Variants in MYH11 observed in about 807,000 individuals in gnomAD.
MYH11 encodes myosin heavy chain 11.
MYH11 carries 80 observed loss-of-function variants against 246.6 expected under a neutral mutation model. The ratio of observed to expected loss-of-function variants is 0.32; its 90% CI spans 0.27 to 0.39. MYH11 has a LOEUF of 0.39. Ranked by LOEUF, MYH11 falls within the 10% of genes least tolerant of loss-of-function variation. MYH11 has a pLI of 1.00. For missense variants in MYH11, 2,158 were observed against 2,546.8 expected (o/e 0.85, Z 3.29); for synonymous variants, 1,071 against 1,015.5 (o/e 1.05, Z -1.04).
chr16:15,725,276 AC>A (rs2040698968), intron 28 of MYH11: 1 of 584,648 alleles, frequency 1.7e-6, no homozygotes, highest in East Asian at 2.9e-5. Context: ...ATTGACTGGG[AC>A]CTGATCCCAC....
intron 5 of MYH11, chr16:15,785,597 C>T (rs899085332): frequency 6.6e-6 from 1 of 151,918 alleles, no homozygotes; most frequent in African/African-American, 2.4e-5. Context: ...TCTGAGGACG[C>T]AAAGTGACAT....
chr16:15,729,695 C>T (rs1269043122), intron 27 of MYH11, among the ~76,000 whole-genome samples: 1 of 151,958 alleles, frequency 6.6e-6, no homozygotes, highest in Admixed American at 6.6e-5. Flanking sequence ...GGATTACAGG[C>T]GACCGCCACC....
At chr16:15,812,009 G>A (rs1263728724) in intron 3 of MYH11, among the ~76,000 whole-genome samples, 6 of 152,116 alleles carry the variant, frequency 3.9e-5, no homozygotes, top group Admixed American at 2.6e-4. Flanking sequence ...CTTTAATGGC[G>A]CTTTTCTCCT....
intron 9 of MYH11, among the ~76,000 whole-genome samples, chr16:15,769,354 G>A (rs960401990): frequency 6.6e-6 from 1 of 152,218 alleles, no homozygotes; most frequent in Admixed American, 6.5e-5. Context: ...TCAAAAATTA[G>A]CCAGGCGTGG....
rs371480828 is a variant in MYH11, at chr16:15,811,740, C to T, written c.502+11515G>A. 4.9e-4 allele frequency among the ~76,000 whole-genome samples: 75 copies of T among 152,196 alleles called. 1 individual carries two copies. Among genetic ancestry groups the T allele is most frequent in the African/African-American group, 1.7e-3 (69 of 41,530 alleles). On this transcript the variant is annotated intron_variant, in intron 3 of 40. Transcript: ENST00000300036. ...GCAAAGTGGAGAAAGTCGTTTGGAT[C>T]ACTCCACCCGCAGAGTTGTCTTAAG... is the stretch of plus-strand genomic sequence containing the variant.
intron 4 of MYH11, among the ~76,000 whole-genome samples, chr16:15,794,340 A>C (rs1316094721): frequency 6.6e-6 from 1 of 152,244 alleles, no homozygotes; most frequent in Non-Finnish European, 1.5e-5. Context: ...CCTGCTGTCA[A>C]CTTGTAGGTC....
chr16:15,732,964 A>G (rs1218956998), intron 26 of MYH11: 1 of 571,814 alleles, frequency 1.7e-6, no homozygotes, highest in East Asian at 3.0e-5. Flanking sequence ...ATAGAATTGA[A>G]AGGATGTCTG....
chr16:15,831,354 G>A lies in MYH11; in HGVS notation c.345+6554C>T, dbSNP rs216168. On this transcript the variant is annotated intron_variant, in intron 2 of 40. Transcript: ENST00000300036. Reference sequence around the variant, plus strand: ...GTCTTACCTATTCAAAAACATATTTGAAGTCTGACTAGATAGTTATGAACA... The same window carrying A: ...GTCTTACCTATTCAAAAACATATTTAAAGTCTGACTAGATAGTTATGAACA... Among the ~76,000 whole-genome samples, 16 of 151,984 alleles carry A rather than the reference G, an allele frequency of 1.1e-4. No homozygotes were observed. In the East Asian group the frequency reaches 2.7e-3, roughly 26 times the overall value.
chr16:15,737,282 G>A (rs576586002), intron 25 of MYH11, among the ~76,000 whole-genome samples, 167 bp downstream of exon 25: 1 of 152,302 alleles, frequency 6.6e-6, no homozygotes, highest in East Asian at 1.9e-4. Context: ...GGATCTGGGG[G>A]AGTGAACAGG....
At chr16:15,785,008 A>ATTTTTTTTTT (rs398028825) in intron 5 of MYH11, 3,978 of 97,724 alleles carry the variant, frequency 0.041, 807 homozygotes, top group African/African-American at 0.17. Context: ...AATTCTCTTG[A>ATTTTTTTTTT]TTTTTTTTTT....
intron 38 of MYH11, among the ~76,000 whole-genome samples, chr16:15,715,835 G>A (rs571274545): frequency 8.5e-5 from 13 of 152,110 alleles, no homozygotes; most frequent in Middle Eastern, 3.4e-3. Flanking sequence ...TCATAGAAAC[G>A]GAGTCTCTGG....
chr16:15,845,289 T>A (rs1304141069), intron 1 of MYH11, among the ~76,000 whole-genome samples: 1 of 124,734 alleles, frequency 8.0e-6, no homozygotes, highest in Non-Finnish European at 1.7e-5. Flanking sequence ...AGTATGATAT[T>A]TTTTCGCGAT....
intron 2 of MYH11, among the ~76,000 whole-genome samples, chr16:15,828,208 C>T (rs1015450182): frequency 2.0e-5 from 3 of 152,166 alleles, no homozygotes; most frequent in Non-Finnish European, 4.4e-5. Flanking sequence ...GGGAGGCATA[C>T]GAACAAGCCC....
At chr16:15,749,623 GATTCTGTGCTGGGGGTTGAGGGACC>G (rs2041511226) in intron 16 of MYH11, 1 of 168,162 alleles carries the variant, frequency 5.9e-6, no homozygotes, top group African/African-American at 2.4e-5. Context: ...ATCTTGTAGG[GATTCTGTGCTGGGGGTTGAGGGACC>G]ATCCTGTGCA....
chr16:15,836,719 CTTTTTT>C (rs780997939), intron 2 of MYH11, among the ~76,000 whole-genome samples: 1 of 95,120 alleles, frequency 1.1e-5, no homozygotes, highest in African/African-American at 4.0e-5. Context: ...TTTAATGTTT[CTTTTTT>C]TTTTTTTTTT....
At chr16:15,793,161 T>C (rs943587867) in intron 4 of MYH11, among the ~76,000 whole-genome samples, 1 of 152,182 alleles carries the variant, frequency 6.6e-6, no homozygotes, top group African/African-American at 2.4e-5. Context: ...CACAGCTCTA[T>C]CTCCAGCCAG....
At chr16:15,827,522 G>A (rs1285357039) in intron 2 of MYH11, among the ~76,000 whole-genome samples, 2 of 152,140 alleles carry the variant, frequency 1.3e-5, no homozygotes, top group Admixed American at 1.3e-4. Flanking sequence ...CAGCCTGGTG[G>A]GGCTGGGAGT....
rs533519322 is a variant in MYH11, at chr16:15,719,274, G to C, written c.5117C>G (p.Ala1706Gly). 1.9e-6 allele frequency: 3 copies of C among 1,612,874 alleles called. No individual in the cohort carries two copies. In the South Asian group the frequency reaches 3.3e-5, roughly 18 times the overall value. Residue 1706 changes from alanine to glycine, a missense_variant, in exon 36 of 41, where the codon GCG becomes GGG. By Grantham distance (60) the Ala-to-Gly change is moderately conservative (BLOSUM62 0). This residue lies in a region of MYH11 where 1,013 missense variants were observed against 993.5 expected (regional missense o/e 1.02). Transcript: ENST00000300036. ...LAAAERARKQ[A>G]DLEKEELAEE... ...TGCCAGTTCCTCCTTCTCGAGGTCC[G>C]CTTGTTTGCGAGCCCTCTCAGCGGC...
intron 40 of MYH11, among the ~76,000 whole-genome samples, chr16:15,709,990 C>G (rs149079935): frequency 6.6e-6 from 1 of 152,198 alleles, no homozygotes; most frequent in Non-Finnish European, 1.5e-5. Context: ...ACTACAGTTC[C>G]TTCTTGGCTG....
Sources: gnomAD v4.1 joint callset for allele counts (sites outside exome capture counted in the v4.1 genomes callset) on GRCh38, gnomAD v4.1.1 for gene constraint, gnomAD v4.1.1 regional missense constraint, MANE v1.5 for transcripts, NCBI Gene and HGNC (gene_info 2026-07-23, HGNC 2026-07-21) for gene names.